NR6A1: variants seen among roughly 807,000 people sequenced by gnomAD.
NR6A1 encodes the protein retinoic acid receptor-related testis-associated receptor.
NR6A1 carries 7 observed loss-of-function variants against 59.1 expected under a neutral mutation model. That is an observed-to-expected ratio of 0.12 (90% CI 0.07 to 0.22). The LOEUF (loss-of-function observed/expected upper bound fraction) is 0.22. NR6A1 is among the 10% of genes least tolerant of loss of function. The probability of loss-of-function intolerance (pLI) is 1.00; values close to 1 mark genes in which losing one functional copy is unlikely to be tolerated. For missense variants in NR6A1, 468 were observed against 611.6 expected (o/e 0.77, Z 2.48); for synonymous variants, 243 against 236.1 (o/e 1.03, Z -0.27).
intron 2 of NR6A1, among the ~76,000 whole-genome samples, chr9:124,627,100 G>GCA (rs1836265820): frequency 6.6e-6 from 1 of 152,150 alleles, no homozygotes; most frequent in South Asian, 2.1e-4. Flanking sequence ...AGAGTACTAT[G>GCA]CACTGCACTA....
rs185798605 is a variant in NR6A1 at position 124,671,613 on chromosome 9, T to C, written c.142+61695A>G. On this transcript the variant is annotated intron_variant, in intron 2 of 9. Coordinates refer to ENST00000487099, the MANE Select transcript of NR6A1 (RefSeq NM_033334.4). Reference sequence around the variant, plus strand: ...AACCCTACTCCTGGCCTAAAAGTATTATTAATTAGATCAACTAAGTTTACC... The same window carrying C: ...AACCCTACTCCTGGCCTAAAAGTATCATTAATTAGATCAACTAAGTTTACC... Among the ~76,000 whole-genome samples the C allele has an allele frequency of 5.9e-5, 9 of 152,260 alleles. No homozygotes were observed. The East Asian group carries it at 1.7e-3, about 29-fold the overall frequency.
chr9:124,554,122 T>C lies in NR6A1; in HGVS notation c.385+206A>G, dbSNP rs566900784. On this transcript the variant is annotated intron_variant, in intron 3 of 9. Coordinates refer to ENST00000487099, the MANE Select transcript of NR6A1 (RefSeq NM_033334.4). Reference sequence around the variant, plus strand: ...TGGTCACACAGGGCCTGTGCACTCATTCCCACCTTAACATCTCACTAGTTT... The same window carrying C: ...TGGTCACACAGGGCCTGTGCACTCACTCCCACCTTAACATCTCACTAGTTT... Among the ~76,000 whole-genome samples, 50 of 152,296 alleles carry C rather than the reference T, an allele frequency of 3.3e-4. No individual in the cohort carries two copies. In the South Asian group the frequency reaches 5.6e-3, roughly 17 times the overall value.
chr9:124,649,891 T>C (rs185090074), intron 2 of NR6A1, among the ~76,000 whole-genome samples: 162 of 152,160 alleles, frequency 1.1e-3, no homozygotes, highest in Non-Finnish European at 2.0e-3. Context: ...AAATCAAAAC[T>C]ACAAGATATT....
rs372157840 is a variant in NR6A1, at chr9:124,528,896, G to A, written c.1080-1996C>T. On this transcript the variant is annotated intron_variant, in intron 7 of 9. Coordinates refer to ENST00000487099, the MANE Select transcript of NR6A1 (RefSeq NM_033334.4). ...ATTTAAAATATATAGGAAGATATGC[G>A]TAGATTATACACAAATACTACACCA... Among the ~76,000 whole-genome samples the A allele has an allele frequency of 3.3e-5, 5 of 152,238 alleles. No homozygotes were observed. The South Asian group carries it at 6.2e-4, about 19-fold the overall frequency.
At chr9:124,544,107 G>A (rs557473744) in intron 3 of NR6A1, among the ~76,000 whole-genome samples, 6 of 152,290 alleles carry the variant, frequency 3.9e-5, no homozygotes, top group African/African-American at 1.4e-4. Flanking sequence ...CAATATGTTC[G>A]AAAAAGGTGA....
At chr9:124,618,464 C>T (rs112845029) in intron 2 of NR6A1, among the ~76,000 whole-genome samples, 2 of 152,046 alleles carry the variant, frequency 1.3e-5, no homozygotes, top group African/African-American at 4.8e-5. Context: ...GCCTGGGCAA[C>T]AGAGTGAGAC....
intron 2 of NR6A1, among the ~76,000 whole-genome samples, chr9:124,660,351 T>C (rs1431522367): frequency 1.3e-5 from 2 of 152,170 alleles, no homozygotes; most frequent in African/African-American, 4.8e-5. Flanking sequence ...CCACAAAGGA[T>C]GTTAGTGGTC....
At chr9:124,539,971 T>C in intron 5 of NR6A1, 62 bp downstream of exon 5, 1 of 1,497,116 alleles carries the variant, frequency 6.7e-7, no homozygotes, top group Non-Finnish European at 8.8e-7. Context: ...AGAGGTTTTC[T>C]GTAGCTCTCC....
chr9:124,729,906 A>G lies in NR6A1; in HGVS notation c.142+3402T>C, dbSNP rs541856337. On this transcript the variant is annotated intron_variant, in intron 2 of 9. Coordinates refer to ENST00000487099, the MANE Select transcript of NR6A1 (RefSeq NM_033334.4). ...CGGCTTACCGCAACCTCCACCTCCC[A>G]GGTTCAAGCAATTCTCCTGCCTCAG... Among the ~76,000 whole-genome samples, 90 of 149,506 alleles carry G rather than the reference A, an allele frequency of 6.0e-4. 1 individual carries two copies. In the South Asian group the frequency reaches 0.018, roughly 30 times the overall value.
intron 2 of NR6A1, among the ~76,000 whole-genome samples, chr9:124,590,869 G>C (rs1835098385): frequency 6.6e-6 from 1 of 152,064 alleles, no homozygotes; most frequent in South Asian, 2.1e-4. Context: ...TCTTTTCCTG[G>C]TTATGATTTA....
intron 2 of NR6A1, among the ~76,000 whole-genome samples, chr9:124,725,666 C>T (rs993299354): frequency 5.9e-5 from 9 of 152,128 alleles, no homozygotes; most frequent in Non-Finnish European, 1.0e-4. Flanking sequence ...AAAAGTCATG[C>T]GGGGCTCGGC....
At chr9:124,725,836 A>G (rs1839699250) in intron 2 of NR6A1, among the ~76,000 whole-genome samples, 1 of 152,184 alleles carries the variant, frequency 6.6e-6, no homozygotes, top group Non-Finnish European at 1.5e-5. Context: ...AATTCGGATC[A>G]AATTTGAGGG....
intron 2 of NR6A1, among the ~76,000 whole-genome samples, chr9:124,650,189 C>T (rs1174239651): frequency 6.6e-6 from 1 of 152,170 alleles, no homozygotes. Flanking sequence ...GACATGAAAT[C>T]AACCTAAGGG....
intron 2 of NR6A1, among the ~76,000 whole-genome samples, chr9:124,556,380 G>A (rs1833926089): frequency 6.6e-6 from 1 of 152,116 alleles, no homozygotes; most frequent in Non-Finnish European, 1.5e-5. Context: ...AGTTGGAAGA[G>A]GCAAGGAACC....
intron 2 of NR6A1, among the ~76,000 whole-genome samples, chr9:124,648,759 A>C (rs1837010334): frequency 6.6e-6 from 1 of 152,160 alleles, no homozygotes. Context: ...ATGCTGTAGG[A>C]TACAAAATCA....
intron 1 of NR6A1, among the ~76,000 whole-genome samples, chr9:124,748,664 T>C (rs1476708493): frequency 6.7e-6 from 1 of 149,444 alleles, no homozygotes; most frequent in Non-Finnish European, 1.5e-5. Flanking sequence ...ATCGAGACCA[T>C]CCTGGCTAAC....
At chr9:124,537,809 A>G (rs1223635224) in intron 6 of NR6A1, among the ~76,000 whole-genome samples, 3 of 152,090 alleles carry the variant, frequency 2.0e-5, no homozygotes, top group South Asian at 4.1e-4. Context: ...GCTCTGACCC[A>G]TCCCAGCACC....
At chr9:124,628,584 C>T (rs145389820) in intron 2 of NR6A1, among the ~76,000 whole-genome samples, 21 of 151,674 alleles carry the variant, frequency 1.4e-4, no homozygotes, top group Middle Eastern at 3.4e-3. Flanking sequence ...CCTTGTGATC[C>T]GTCCGCCTTG....
intron 2 of NR6A1, among the ~76,000 whole-genome samples, chr9:124,691,600 A>T (rs2131021025): frequency 6.6e-6 from 1 of 152,360 alleles, no homozygotes; most frequent in Middle Eastern, 3.4e-3. Context: ...ATGTACTGGT[A>T]TCGTTTCAGC....
Sources: allele counts gnomAD v4.1 joint callset (sites outside exome capture counted in the v4.1 genomes callset), GRCh38; gene constraint gnomAD v4.1.1; transcripts MANE v1.5; gene names NCBI Gene and HGNC (gene_info 2026-07-23, HGNC 2026-07-21).